Variants in DNER observed in about 807,000 individuals in gnomAD.
The protein encoded by DNER is delta and Notch-like epidermal growth factor-related receptor.
DNER carries 33 observed loss-of-function variants against 78.2 expected under a neutral mutation model. The observed-to-expected ratio is 0.42, with a 90% CI of 0.32 to 0.56. The LOEUF is 0.56. Among genes scored for constraint, DNER ranks in the 20% least tolerant of loss-of-function variants. The pLI is 0.11. For missense variants in DNER, 918 were observed against 975.3 expected, an observed-to-expected ratio of 0.94 and a Z score of 0.78; for synonymous variants, 417 against 384.8, an observed-to-expected ratio of 1.08 and a Z score of -0.98.
intron 6 of DNER, among the ~76,000 whole-genome samples, chr2:229,487,522 T>C (rs529153621): frequency 9.8e-4 from 150 of 152,346 alleles, no homozygotes; most frequent in Middle Eastern, 6.8e-3. Context: ...TGACTACTCC[T>C]GAGAAGTTGA....
chr2:229,657,669 G>A (rs954086811), intron 1 of DNER, among the ~76,000 whole-genome samples: 1 of 152,108 alleles, frequency 6.6e-6, no homozygotes, highest in African/African-American at 2.4e-5. Flanking sequence ...GATACGTAAG[G>A]CCTAAGCAAC....
intron 9 of DNER, among the ~76,000 whole-genome samples, chr2:229,412,180 A>G (rs1693537800): frequency 6.6e-6 from 1 of 152,206 alleles, no homozygotes. Context: ...TCCGTCACAA[A>G]CCAGGCTTGA....
intron 6 of DNER, among the ~76,000 whole-genome samples, chr2:229,491,450 C>T (rs1321161936): frequency 6.6e-6 from 1 of 152,214 alleles, no homozygotes; most frequent in Non-Finnish European, 1.5e-5. Context: ...CCTTCTAATA[C>T]CAACACCTTG....
intron 1 of DNER, among the ~76,000 whole-genome samples, chr2:229,697,194 T>G (rs891261248): frequency 2.6e-5 from 4 of 152,210 alleles, no homozygotes; most frequent in African/African-American, 9.6e-5. Context: ...GGATAAATAC[T>G]GCAACGTGGA....
chr2:229,687,515 C>T (rs1028832720), intron 1 of DNER, among the ~76,000 whole-genome samples: 3 of 152,074 alleles, frequency 2.0e-5, no homozygotes, highest in Admixed American at 6.5e-5. Flanking sequence ...CCACCTACCT[C>T]GGCCTCCCAA....
At chr2:229,410,697 T>G (rs182106662) in intron 9 of DNER, among the ~76,000 whole-genome samples, 32 of 152,348 alleles carry the variant, frequency 2.1e-4, no homozygotes, top group African/African-American at 6.3e-4. Context: ...CTAAAAAGAC[T>G]TTGATTCCAA....
In DNER at chr2:229,513,876, C is replaced by G. The variant is rs561873418; in HGVS notation, c.994-940G>C. ...ATCTCTACCATTCCCCAGCCATTAT[C>G]CCCTCACCCTCCCTCCCTCTCCCTG... On this transcript the variant is annotated intron_variant, in intron 5 of 12. Coordinates refer to ENST00000341772, the MANE Select transcript of DNER (RefSeq NM_139072.4). 2.0e-5 allele frequency among the ~76,000 whole-genome samples: 3 copies of G among 152,018 alleles called. No homozygotes were observed. The South Asian group carries it at 6.2e-4, about 32-fold the overall frequency.
At chr2:229,368,305 G>A (rs1229643912) in intron 11 of DNER, among the ~76,000 whole-genome samples, 2 of 152,164 alleles carry the variant, frequency 1.3e-5, no homozygotes, top group African/African-American at 4.8e-5. Context: ...GGAGGTTGCA[G>A]TGAGCCAAGA....
chr2:229,370,451 A>C (rs721942), intron 11 of DNER, among the ~76,000 whole-genome samples: 18,635 of 152,246 alleles, frequency 0.12, 1,862 homozygotes, highest in East Asian at 0.52. Flanking sequence ...TGACTGCTTC[A>C]TTTAAGCCAA....
At chr2:229,607,225 C>T (rs1224414544) in intron 1 of DNER, among the ~76,000 whole-genome samples, 1 of 152,036 alleles carries the variant, frequency 6.6e-6, no homozygotes, top group Non-Finnish European at 1.5e-5. Context: ...ATTAACTGAC[C>T]TGATTAAACT....
At chr2:229,707,320 C>T (rs1315198109) in intron 1 of DNER, among the ~76,000 whole-genome samples, 6 of 151,524 alleles carry the variant, frequency 4.0e-5, no homozygotes, top group Non-Finnish European at 7.4e-5. Context: ...TAGGCGTGAA[C>T]CACAGCACCT....
intron 4 of DNER, among the ~76,000 whole-genome samples, chr2:229,572,156 C>A (rs1697229351): frequency 6.6e-6 from 1 of 152,160 alleles, no homozygotes; most frequent in Non-Finnish European, 1.5e-5. Flanking sequence ...GTTACTCACA[C>A]CGTTCCCCTT....
chr2:229,411,055 C>T (rs539425973), intron 9 of DNER, among the ~76,000 whole-genome samples: 1 of 152,260 alleles, frequency 6.6e-6, no homozygotes, highest in Admixed American at 6.5e-5. Flanking sequence ...TCAGTCTGCT[C>T]GTCTGGTTAA....
At chr2:229,689,902 T>C (rs942414395) in intron 1 of DNER, among the ~76,000 whole-genome samples, 10 of 152,208 alleles carry the variant, frequency 6.6e-5, no homozygotes, top group African/African-American at 2.4e-4. Context: ...CTCTCTAGCA[T>C]AACAACCTAG....
At chr2:229,549,734 A>T (rs1212000941) in intron 4 of DNER, among the ~76,000 whole-genome samples, 5 of 151,730 alleles carry the variant, frequency 3.3e-5, no homozygotes, top group Non-Finnish European at 7.4e-5. Context: ...ATATGGTGAA[A>T]CCCCCATCTC....
intron 6 of DNER, among the ~76,000 whole-genome samples, chr2:229,509,657 T>C (rs1695823634): frequency 6.6e-6 from 1 of 151,960 alleles, no homozygotes; most frequent in Non-Finnish European, 1.5e-5. Flanking sequence ...CTACTAAAAG[T>C]ACAAAAATTA....
At chr2:229,513,989 CA>C (rs1695922538) in intron 5 of DNER, among the ~76,000 whole-genome samples, 1 of 149,162 alleles carries the variant, frequency 6.7e-6, no homozygotes, top group South Asian at 2.2e-4. Context: ...CAGTACCCCC[CA>C]TAAGTACAAC....
intron 9 of DNER, among the ~76,000 whole-genome samples, chr2:229,408,544 C>T (rs1458640282): frequency 6.6e-6 from 1 of 152,096 alleles, no homozygotes; most frequent in African/African-American, 2.4e-5. Context: ...GAAAAATATG[C>T]ATAAAGCAAA....
At chr2:229,565,667 T>A (rs1213500219) in intron 4 of DNER, among the ~76,000 whole-genome samples, 2 of 152,224 alleles carry the variant, frequency 1.3e-5, no homozygotes, top group Non-Finnish European at 2.9e-5. Flanking sequence ...ATTTCTCACA[T>A]TAAGTAATCT....
Sources: gnomAD v4.1 joint callset for allele counts (sites outside exome capture counted in the v4.1 genomes callset) on GRCh38, gnomAD v4.1.1 for gene constraint, MANE v1.5 for transcripts, NCBI Gene and HGNC (gene_info 2026-07-23, HGNC 2026-07-21) for gene names.